WWOX: variants seen among roughly 807,000 people sequenced by gnomAD.
WWOX encodes the protein WW domain containing oxidoreductase.
Under a neutral mutation model 46.2 loss-of-function variants are expected in WWOX, and 69 were observed. The observed-to-expected ratio is 1.49, with a 90% CI of 1.23 to 1.82. WWOX has a LOEUF of 1.82. WWOX is among the 40% of genes most tolerant of loss of function. The pLI is 0.00. For missense variants in WWOX, 919 were observed against 542.6 expected (o/e 1.69, Z -6.89); for synonymous variants, 359 against 202.6 (o/e 1.77, Z -6.56).
chr16:79,011,010 C>G (rs990562989), intron 8 of WWOX, among the ~76,000 whole-genome samples: 2 of 151,850 alleles, frequency 1.3e-5, no homozygotes, highest in East Asian at 1.9e-4. Context: ...ATCTGGCTTA[C>G]GATGATTTCT....
intron 5 of WWOX, among the ~76,000 whole-genome samples, chr16:78,250,145 A>G (rs1201589394): frequency 6.6e-6 from 1 of 152,206 alleles, no homozygotes; most frequent in Non-Finnish European, 1.5e-5. Context: ...TCATTTGTGT[A>G]ACAGTAGTAA....
chr16:78,655,983 GA>G (rs1335682106), intron 8 of WWOX, among the ~76,000 whole-genome samples: 12 of 152,000 alleles, frequency 7.9e-5, no homozygotes, highest in African/African-American at 2.7e-4. Context: ...TTGCCAGGGG[GA>G]AAAAAAGAGA....
chr16:78,371,347 T>C (rs991434777), intron 5 of WWOX, among the ~76,000 whole-genome samples: 5 of 152,330 alleles, frequency 3.3e-5, no homozygotes, highest in African/African-American at 1.2e-4. Context: ...AAAAGTGTAC[T>C]TTTTGTGATG....
intron 8 of WWOX, among the ~76,000 whole-genome samples, chr16:79,015,119 C>A (rs1227964719): frequency 1.3e-5 from 2 of 152,154 alleles, no homozygotes; most frequent in Non-Finnish European, 2.9e-5. Context: ...CACTACTGTG[C>A]ATTTGCCTGT....
intron 8 of WWOX, among the ~76,000 whole-genome samples, chr16:78,792,186 C>G (rs1597617077): frequency 1.3e-5 from 2 of 152,122 alleles, no homozygotes; most frequent in Admixed American, 1.3e-4. Flanking sequence ...TTCTCGCCAT[C>G]TCTGGGTTTG....
chr16:78,547,420 GT>G, intron 8 of WWOX, among the ~76,000 whole-genome samples: 1 of 152,242 alleles, frequency 6.6e-6, no homozygotes, highest in South Asian at 2.1e-4. Flanking sequence ...CAAATGCCAG[GT>G]TTCAATGACC....
At chr16:78,753,712 G>A (rs554732217) in intron 8 of WWOX, among the ~76,000 whole-genome samples, 31 of 149,472 alleles carry the variant, frequency 2.1e-4, no homozygotes, top group African/African-American at 6.4e-4. Flanking sequence ...TGAGGTGGGA[G>A]GATTGCTTGA....
At position 79,210,291 on chromosome 16, in the gene WWOX, C is replaced by A. The variant is rs1013745795; in HGVS notation, c.1057-1317C>A. The stretch of plus-strand genomic sequence containing the variant: ...CTGCCTTATGGCAGATTCTTCACGT[C>A]GTAACACCTTCCTTGGGACCCTATT... On this transcript the variant is annotated intron_variant, in intron 8 of 8. Transcript: ENST00000566780. 2.6e-5 allele frequency among the ~76,000 whole-genome samples: 4 copies of A among 152,304 alleles called. No homozygotes were observed. The East Asian group carries it at 5.8e-4, about 22-fold the overall frequency.
intron 8 of WWOX, among the ~76,000 whole-genome samples, chr16:79,068,729 C>G (rs28627309): frequency 7.3e-5 from 11 of 151,272 alleles, no homozygotes; most frequent in African/African-American, 2.4e-4. Context: ...GAGGATGGCT[C>G]GAGCCCAGGA....
chr16:78,553,099 G>A (rs1250347277), intron 8 of WWOX: 2 of 152,180 alleles, frequency 1.3e-5, no homozygotes, highest in Admixed American at 6.5e-5. Flanking sequence ...ACACAGGGAG[G>A]GAAACAACAC....
chr16:78,519,715 C>T (rs2043308888), intron 8 of WWOX, among the ~76,000 whole-genome samples: 1 of 151,930 alleles, frequency 6.6e-6, no homozygotes. Flanking sequence ...AAAACAGACC[C>T]AAGAGAGACC....
intron 5 of WWOX, among the ~76,000 whole-genome samples, chr16:78,371,980 C>A (rs1199751281): frequency 6.6e-6 from 1 of 152,152 alleles, no homozygotes; most frequent in African/African-American, 2.4e-5. Flanking sequence ...TGGAAATAGA[C>A]ATGTGAGTGT....
At chr16:78,322,273 C>G (rs1338630517) in intron 5 of WWOX, among the ~76,000 whole-genome samples, 1 of 152,070 alleles carries the variant, frequency 6.6e-6, no homozygotes, top group Non-Finnish European at 1.5e-5. Flanking sequence ...TCTTCCAAGC[C>G]TTCTGTGTAT....
intron 8 of WWOX, among the ~76,000 whole-genome samples, chr16:78,795,257 A>T (rs562179461): frequency 6.6e-6 from 1 of 152,326 alleles, no homozygotes; most frequent in South Asian, 2.1e-4. Context: ...ATGTAAGGAA[A>T]AAAAGGCATA....
At position 78,265,399 on chromosome 16, in the gene WWOX, G is replaced by A. The variant is rs117682334; in HGVS notation, c.516+101110G>A. Reference sequence around the variant, plus strand: ...TTCATATTTAGAAATATCTTGGAACGGGCAGGCGTGGTGGCACACGCCTGT... The same window carrying A: ...TTCATATTTAGAAATATCTTGGAACAGGCAGGCGTGGTGGCACACGCCTGT... On this transcript the variant is annotated intron_variant, in intron 5 of 8. Transcript: ENST00000566780. Among the ~76,000 whole-genome samples the A allele has an allele frequency of 6.1e-3, 935 of 152,206 alleles. 23 individuals are homozygous for A. The highest frequency in any genetic ancestry group is 0.049 in the Admixed American group (752 of 15,300).
rs185242276 is a variant in WWOX, at chr16:78,424,825, T to C, written c.606-45T>C. On this transcript the variant is annotated intron_variant, in intron 6 of 8. Transcript: ENST00000566780. The stretch of plus-strand genomic sequence containing the variant: ...CCGAAGGAGCATGGATTATCCTTGG[T>C]TGTAGTGTTTATGTCCACATCACAT... 37 of 1,608,694 alleles carry C rather than the reference T, an allele frequency of 2.3e-5. No homozygotes were observed. The African/African-American group carries it at 3.6e-4, about 16-fold the overall frequency.
At chr16:78,583,075 A>G (rs2045102768) in intron 8 of WWOX, among the ~76,000 whole-genome samples, 1 of 152,248 alleles carries the variant, frequency 6.6e-6, no homozygotes, top group East Asian at 1.9e-4. Context: ...CTCCGAGCAG[A>G]GCTCTTGAAG....
intron 8 of WWOX, among the ~76,000 whole-genome samples, chr16:79,018,193 G>A (rs1200672218): frequency 2.0e-5 from 3 of 152,160 alleles, no homozygotes; most frequent in Non-Finnish European, 2.9e-5. Context: ...CTATCGTTGA[G>A]TCCCTAGTTA....
intron 8 of WWOX, among the ~76,000 whole-genome samples, chr16:78,599,160 C>G (rs377280036): frequency 6.6e-6 from 1 of 152,204 alleles, no homozygotes; most frequent in East Asian, 1.9e-4. Flanking sequence ...TTCATCCCCT[C>G]CTCCAGTCCC....
Sources: allele counts gnomAD v4.1 joint callset (sites outside exome capture counted in the v4.1 genomes callset), GRCh38; gene constraint gnomAD v4.1.1; transcripts MANE v1.5; gene names NCBI Gene and HGNC (gene_info 2026-07-23, HGNC 2026-07-21).